GAS2: variants seen among roughly 807,000 people sequenced by gnomAD.
The protein encoded by GAS2 is growth arrest-specific protein 2.
In GAS2, 20 loss-of-function variants were observed where a neutral mutation model predicts 37.5. That is an observed-to-expected ratio of 0.53 (90% confidence interval 0.37 to 0.77). The LOEUF is 0.77. GAS2 is among the 30% of genes least tolerant of loss of function. The pLI, the probability that GAS2 is intolerant of heterozygous loss-of-function variation, is 0.00. For synonymous variants in GAS2, 144 were observed against 132.2 expected (o/e 1.09, Z -0.61); for missense variants, 336 against 373.4 (o/e 0.90, Z 0.82).
chr11:22,641,866 C>G (rs1243140200), intron 1 of GAS2, among the ~76,000 whole-genome samples: 1 of 152,080 alleles, frequency 6.6e-6, no homozygotes, highest in Non-Finnish European at 1.5e-5. Context: ...TTGCCATATA[C>G]TGTTGCAGAT....
intron 7 of GAS2, among the ~76,000 whole-genome samples, chr11:22,774,409 C>T (rs193212918): frequency 7.9e-4 from 120 of 152,352 alleles, no homozygotes; most frequent in African/African-American, 2.9e-3. Flanking sequence ...CTACAAATGA[C>T]TTATCTTCAA....
chr11:22,656,833 T>A (rs1848861672), intron 1 of GAS2, among the ~76,000 whole-genome samples: 1 of 152,192 alleles, frequency 6.6e-6, no homozygotes, highest in African/African-American at 2.4e-5. Context: ...AGCACTTACA[T>A]GCTTTCATAC....
upstream of GAS2, among the ~76,000 whole-genome samples, chr11:22,666,333 C>T (rs1014239172): frequency 1.3e-5 from 2 of 152,182 alleles, no homozygotes; most frequent in African/African-American, 4.8e-5. Flanking sequence ...AAAGCTCGTG[C>T]CTCCGTCTGC....
At chr11:22,772,598 T>C (rs1855039162) in intron 7 of GAS2, among the ~76,000 whole-genome samples, 1 of 152,146 alleles carries the variant, frequency 6.6e-6, no homozygotes, top group Non-Finnish European at 1.5e-5. Context: ...TCATGGATTT[T>C]ATGTTGGAGG....
At chr11:22,698,596 T>C (rs1463478284) in intron 3 of GAS2, among the ~76,000 whole-genome samples, 1 of 149,072 alleles carries the variant, frequency 6.7e-6, no homozygotes, top group Non-Finnish European at 1.5e-5. Flanking sequence ...ATATCCTTGA[T>C]GAATATTGAT....
At chr11:22,696,894 G>T (rs1448578809) in intron 3 of GAS2, among the ~76,000 whole-genome samples, 1 of 146,852 alleles carries the variant, frequency 6.8e-6, no homozygotes, top group African/African-American at 2.5e-5. Flanking sequence ...TTTGTAGGTT[G>T]CCTGTTCACT....
At chr11:22,804,271 G>A (rs1333203621) in intron 7 of GAS2, among the ~76,000 whole-genome samples, 1 of 152,130 alleles carries the variant, frequency 6.6e-6, no homozygotes, top group Non-Finnish European at 1.5e-5. Context: ...TAGAAGAAAT[G>A]TAACCTATCA....
chr11:22,776,034 G>A (rs1336559622), intron 7 of GAS2, among the ~76,000 whole-genome samples: 2 of 152,186 alleles, frequency 1.3e-5, no homozygotes, highest in East Asian at 1.9e-4. Flanking sequence ...GATTCCAGAT[G>A]TACGGCTGAG....
chr11:22,658,963 A>G (rs1848886099), intron 1 of GAS2, among the ~76,000 whole-genome samples: 1 of 152,198 alleles, frequency 6.6e-6, no homozygotes, highest in African/African-American at 2.4e-5. Flanking sequence ...TCATGTTAGT[A>G]GTATCATGTT....
intron 1 of GAS2, among the ~76,000 whole-genome samples, chr11:22,643,273 G>A (rs1848651601): frequency 6.6e-6 from 1 of 151,956 alleles, no homozygotes. Context: ...AAGAATTTAA[G>A]CAAGAAATTA....
chr11:22,796,870 G>A (rs1029653815), intron 7 of GAS2, among the ~76,000 whole-genome samples: 7 of 152,024 alleles, frequency 4.6e-5, no homozygotes, highest in Non-Finnish European at 8.8e-5. Flanking sequence ...TTAGTAGAGG[G>A]AATGGTTTTT....
At chr11:22,686,355 T>C (rs1036245398) in intron 3 of GAS2, among the ~76,000 whole-genome samples, 9 of 152,004 alleles carry the variant, frequency 5.9e-5, no homozygotes, top group Non-Finnish European at 7.4e-5. Flanking sequence ...GTTTGACTTT[T>C]TTTGAAGAAA....
At chr11:22,765,376 A>C (rs1854631165) in intron 7 of GAS2, among the ~76,000 whole-genome samples, 1 of 152,202 alleles carries the variant, frequency 6.6e-6, no homozygotes, top group South Asian at 2.1e-4. Context: ...ATTTTTCTAC[A>C]ACTGAAATTG....
At position 22,811,861 on chromosome 11, in the gene GAS2, T is replaced by G. The variant is rs746102855; in HGVS notation, c.787T>G (p.Leu263Val). 32 of 1,614,016 alleles carry G rather than the reference T, an allele frequency of 2.0e-5. No homozygotes were observed. The highest frequency in any genetic ancestry group is 2.6e-5 in the Non-Finnish European group (31 of 1,180,016). Residue 263 changes from leucine (L) to valine (V), a missense_variant, in exon 8 of 8, where the codon TTG becomes GTG. Transcript: ENST00000454584. ...GGGWETFAGY[L>V]LKHDPCRMLQ... The stretch of plus-strand genomic sequence containing the variant: ...AGGCTGGGAAACTTTTGCAGGGTAT[T>G]TGTTGAAACACGACCCCTGCCGAAT...
At chr11:22,775,907 T>C (rs1357793797) in intron 7 of GAS2, among the ~76,000 whole-genome samples, 1 of 152,184 alleles carries the variant, frequency 6.6e-6, no homozygotes, top group Non-Finnish European at 1.5e-5. Flanking sequence ...AAGCCTTTCA[T>C]AGAGACTAAG....
chr11:22,693,701 G>A (rs180883046), intron 3 of GAS2, among the ~76,000 whole-genome samples: 52 of 152,240 alleles, frequency 3.4e-4, no homozygotes, highest in Non-Finnish European at 5.0e-4. Flanking sequence ...GTAGGTTTAG[G>A]TAAAAAATCT....
chr11:22,777,322 T>C (rs1304592342), intron 7 of GAS2, among the ~76,000 whole-genome samples: 1 of 152,186 alleles, frequency 6.6e-6, no homozygotes, highest in African/African-American at 2.4e-5. Flanking sequence ...ATAGAAGCCA[T>C]GGCTTCAGAC....
chr11:22,749,775 C>A (rs1232912255), intron 6 of GAS2, among the ~76,000 whole-genome samples: 2 of 151,988 alleles, frequency 1.3e-5, no homozygotes, highest in African/African-American at 4.8e-5. Flanking sequence ...TAGATTCCAA[C>A]AAAAGTTTTG....
intron 7 of GAS2, among the ~76,000 whole-genome samples, chr11:22,775,654 T>TTTTG (rs764398009): frequency 1.3e-5 from 2 of 152,122 alleles, no homozygotes; most frequent in South Asian, 2.1e-4. Context: ...TGTAATGAGT[T>TTTTG]TTTGTTTGTT....
Sources: gnomAD v4.1 joint callset for allele counts (sites outside exome capture counted in the v4.1 genomes callset) on GRCh38, gnomAD v4.1.1 for gene constraint, MANE v1.5 for transcripts, NCBI Gene and HGNC (gene_info 2026-07-23, HGNC 2026-07-21) for gene names.